The following GRIN2A variants were observed in gnomAD, a reference collection of about 807,000 sequenced individuals.
GRIN2A encodes the protein glutamate receptor ionotropic, NMDA 2A.
GRIN2A carries 22 observed loss-of-function variants against 113.4 expected under a neutral mutation model. The observed-to-expected ratio is 0.19, with a 90% CI of 0.14 to 0.28. The LOEUF (loss-of-function observed/expected upper bound fraction) is 0.28. Ranked by LOEUF, GRIN2A falls within the 10% of genes least tolerant of loss-of-function variation. The pLI, the probability that GRIN2A is intolerant of heterozygous loss-of-function variation, is 1.00. For missense variants in GRIN2A, 1,502 were observed against 1,887.0 expected, an observed-to-expected ratio of 0.80 and a Z score of 3.78; for synonymous variants, 827 against 738.4, an observed-to-expected ratio of 1.12 and a Z score of -1.94.
chr16:10,097,878 A>C (rs55934774), intron 2 of GRIN2A, among the ~76,000 whole-genome samples: 29,806 of 152,116 alleles, frequency 0.2, 3,363 homozygotes, highest in African/African-American at 0.3. Context: ...TAGACATTGG[A>C]TTAGGCAAAG....
intron 5 of GRIN2A, 141 bp from the exon 6 acceptor site, chr16:9,841,245 A>C (rs979588197): frequency 1.4e-6 from 1 of 727,682 alleles, no homozygotes; most frequent in African/African-American, 1.7e-5. Flanking sequence ...ACACACTGTG[A>C]GTACATGACA....
intron 3 of GRIN2A, among the ~76,000 whole-genome samples, chr16:9,903,752 C>T (rs2043978511): frequency 6.6e-6 from 1 of 152,190 alleles, no homozygotes; most frequent in South Asian, 2.1e-4. Context: ...TTAGAGGGCA[C>T]CTTCTTTATT....
At chr16:9,785,014 T>C (rs560631397) in intron 11 of GRIN2A, among the ~76,000 whole-genome samples, 1 of 152,296 alleles carries the variant, frequency 6.6e-6, no homozygotes, top group African/African-American at 2.4e-5. Flanking sequence ...GTTCAACCAT[T>C]GTGGAAGTCA....
At chr16:10,003,483 G>C (rs933262961) in intron 2 of GRIN2A, among the ~76,000 whole-genome samples, 2 of 152,182 alleles carry the variant, frequency 1.3e-5, no homozygotes, top group African/African-American at 4.8e-5. Flanking sequence ...AACGAACAGA[G>C]ATGACCATGG....
chr16:10,060,670 C>G lies in GRIN2A; in HGVS notation c.414+119328G>C, dbSNP rs561553829. ...ACCATCTTCATTATCATCATCTTTGCTACTATTATTATTTTCAACTTACAG... is the reference window on the plus strand; with the variant it reads ...ACCATCTTCATTATCATCATCTTTGGTACTATTATTATTTTCAACTTACAG... On this transcript the variant is annotated intron_variant, in intron 2 of 12. Transcript: ENST00000330684. 3.9e-5 allele frequency among the ~76,000 whole-genome samples: 6 copies of G among 152,270 alleles called. No homozygotes were observed. In the South Asian group the frequency reaches 1.2e-3, roughly 32 times the overall value.
chr16:9,985,123 G>A (rs2045956690), intron 2 of GRIN2A, among the ~76,000 whole-genome samples: 1 of 152,038 alleles, frequency 6.6e-6, no homozygotes, highest in South Asian at 2.1e-4. Context: ...TTCCTGATGT[G>A]CCCAACTCTC....
At chr16:9,850,642 T>C (rs2042867121) in intron 4 of GRIN2A, among the ~76,000 whole-genome samples, 1 of 152,078 alleles carries the variant, frequency 6.6e-6, no homozygotes, top group Non-Finnish European at 1.5e-5. Flanking sequence ...ATGGAGCAGG[T>C]GGGGAAATTA....
intron 11 of GRIN2A, among the ~76,000 whole-genome samples, chr16:9,794,322 A>G (rs757632021): frequency 4.6e-5 from 7 of 152,304 alleles, no homozygotes; most frequent in Non-Finnish European, 1.0e-4. Context: ...TACTTTTGAC[A>G]CTCATTAGAC....
rs146179379 is a variant in GRIN2A at position 9,966,369 on chromosome 16, A to G, written c.415-27818T>C. 1.5e-3 allele frequency among the ~76,000 whole-genome samples: 228 copies of G among 152,184 alleles called. 1 individual carries two copies. Among genetic ancestry groups the G allele is most frequent in the South Asian group, 1.5e-3 (7 of 4,818 alleles). ...CCACTTTTAAGTAATAATATATGAT[A>G]TTTGGTTATCTGTTCCTGTGTTAGT... is the stretch of plus-strand genomic sequence containing the variant. On this transcript the variant is annotated intron_variant, in intron 2 of 12. Coordinates refer to ENST00000330684, the MANE Select transcript of GRIN2A (RefSeq NM_001134407.3).
In GRIN2A at chr16:9,763,993, T is replaced by C; in HGVS notation, c.3551A>G (p.Tyr1184Cys). ...GGTGAAGTGCTTGGAGTAGAGTTTA[T>C]ACTGGTCGTTGTTGGAAAGCCCCTC... ...NEEGLSNNDQ[Y>C]KLYSKHFTLK... The change falls in exon 13 of 13, where the codon TAT (tyrosine) becomes TGT (cysteine). Residue 1184 changes from tyrosine (Y) to cysteine (C), a missense_variant. This residue lies in a region of GRIN2A where 832 missense variants were observed against 789.7 expected (regional missense o/e 1.05). Coordinates refer to ENST00000330684, the MANE Select transcript of GRIN2A (RefSeq NM_001134407.3). The C allele has an allele frequency of 1.2e-6, 2 of 1,614,182 alleles. No individual in the cohort carries two copies. The highest frequency in any genetic ancestry group is 2.2e-5 in the East Asian group (1 of 44,868).
At chr16:9,858,049 GC>G (rs58082977) in intron 4 of GRIN2A, among the ~76,000 whole-genome samples, 2,709 of 152,240 alleles carry the variant, frequency 0.018, 87 homozygotes, top group African/African-American at 0.062. Context: ...TAACGAATAG[GC>G]ACGTGTCCTT....
intron 2 of GRIN2A, among the ~76,000 whole-genome samples, chr16:9,998,364 G>T (rs1378377630): frequency 6.6e-6 from 1 of 152,200 alleles, no homozygotes; most frequent in African/African-American, 2.4e-5. Flanking sequence ...ACAGAAATTA[G>T]ATTATTGGTT....
chr16:9,764,838 T>C lies in GRIN2A; in HGVS notation c.2706A>G (p.Lys902=). The C allele has an allele frequency of 6.2e-7, 1 of 1,614,204 alleles. No homozygotes were observed. Among genetic ancestry groups the C allele is most frequent in the South Asian group, 1.1e-5 (1 of 91,080 alleles). ...SNMLKLLRSA[K]NISSMSNMNS... is the part of the protein sequence containing the mutation. ...TCATGTTGGACATGCTGGAAATGTT[T>C]TTGGCTGACCGGAGGAGTTTTAACA... Residue 902 remains lysine (K), a synonymous_variant, in exon 13 of 13, where the codon AAA becomes AAG. Transcript: ENST00000330684.
intron 2 of GRIN2A, among the ~76,000 whole-genome samples, chr16:10,096,248 G>T (rs1401281729): frequency 3.9e-5 from 6 of 152,080 alleles, no homozygotes; most frequent in African/African-American, 1.4e-4. Flanking sequence ...GGACTCAGAG[G>T]ATAGTGACAT....
At chr16:10,044,042 GAGAGAC>G (rs1305021906) in intron 2 of GRIN2A, among the ~76,000 whole-genome samples, 64 of 145,280 alleles carry the variant, frequency 4.4e-4, no homozygotes, top group Middle Eastern at 3.4e-3. Flanking sequence ...GAGAGAGAGA[GAGAGAC>G]AGAGACAGAG....
intron 2 of GRIN2A, among the ~76,000 whole-genome samples, chr16:10,177,350 C>T (rs1002111627): frequency 6.6e-6 from 1 of 152,136 alleles, no homozygotes; most frequent in Admixed American, 6.5e-5. Context: ...AGACATATAC[C>T]CCGATGTTAC....
At chr16:9,869,629 A>T (rs2043221163) in intron 4 of GRIN2A, among the ~76,000 whole-genome samples, 1 of 152,166 alleles carries the variant, frequency 6.6e-6, no homozygotes, top group East Asian at 1.9e-4. Context: ...AACTTGACTA[A>T]CTTTACTTCT....
intron 2 of GRIN2A, among the ~76,000 whole-genome samples, chr16:9,983,416 C>T (rs892122140): frequency 2.0e-5 from 3 of 151,734 alleles, no homozygotes; most frequent in Non-Finnish European, 4.4e-5. Flanking sequence ...CATGTTGCCA[C>T]GAATGACAAG....
At chr16:9,905,687 C>T (rs920074917) in intron 3 of GRIN2A, among the ~76,000 whole-genome samples, 4 of 152,194 alleles carry the variant, frequency 2.6e-5, no homozygotes, top group East Asian at 1.9e-4. Flanking sequence ...CCCGGATCTT[C>T]GAAAAAGTCC....
Sources: gnomAD v4.1 joint callset for allele counts (sites outside exome capture counted in the v4.1 genomes callset) on GRCh38, gnomAD v4.1.1 for gene constraint, gnomAD v4.1.1 regional missense constraint, MANE v1.5 for transcripts, NCBI Gene and HGNC (gene_info 2026-07-23, HGNC 2026-07-21) for gene names.